The following STXBP4 variants were observed in gnomAD, a reference collection of about 807,000 sequenced individuals.
STXBP4 encodes syntaxin-binding protein 4.
In STXBP4, 55 loss-of-function variants were observed where a neutral mutation model predicts 76.1. That is an observed-to-expected ratio of 0.72 (90% CI 0.58 to 0.91). The LOEUF (loss-of-function observed/expected upper bound fraction) is 0.91, where lower values mean the gene tolerates loss of function less well. Among genes scored for constraint, STXBP4 ranks in the 40% least tolerant of loss-of-function variants. The pLI, the probability that STXBP4 is intolerant of heterozygous loss-of-function variation, is 0.00. For synonymous variants in STXBP4, 201 were observed against 220.2 expected, an observed-to-expected ratio of 0.91 and a Z score of 0.77; for missense variants, 618 against 636.9, an observed-to-expected ratio of 0.97 and a Z score of 0.32.
intron 15 of STXBP4, 48 bp from the exon 16 acceptor site, chr17:55,080,999 AGAT>A: frequency 7.5e-7 from 1 of 1,338,420 alleles, no homozygotes; most frequent in Non-Finnish European, 9.7e-7. Context: ...TAGTAAAGAT[AGAT>A]GTTGTTTATT....
intron 15 of STXBP4, among the ~76,000 whole-genome samples, chr17:55,079,872 G>T (rs1019117018): frequency 6.6e-6 from 1 of 152,052 alleles, no homozygotes; most frequent in Non-Finnish European, 1.5e-5. Flanking sequence ...TAATTTAGAA[G>T]AATATTTATA....
At chr17:55,150,727 G>A (rs2080207095) in intron 17 of STXBP4, among the ~76,000 whole-genome samples, 1 of 152,144 alleles carries the variant, frequency 6.6e-6, no homozygotes, top group South Asian at 2.1e-4. Flanking sequence ...CCTAGTCTTA[G>A]GGGAAGAAGC....
chr17:55,111,588 G>C (rs939329083), intron 16 of STXBP4, among the ~76,000 whole-genome samples: 11 of 152,068 alleles, frequency 7.2e-5, no homozygotes, highest in African/African-American at 2.4e-4. Context: ...AGATCTGGTT[G>C]TTTAAAAGTG....
At chr17:55,012,352 G>C (rs552754019) in intron 8 of STXBP4, among the ~76,000 whole-genome samples, 4 of 152,276 alleles carry the variant, frequency 2.6e-5, no homozygotes, top group African/African-American at 9.6e-5. Context: ...TTACCCCATA[G>C]TAGGGTTCCT....
At chr17:54,987,354 A>G (rs947838685) in intron 3 of STXBP4, among the ~76,000 whole-genome samples, 9 of 152,172 alleles carry the variant, frequency 5.9e-5, no homozygotes, top group African/African-American at 1.9e-4. Flanking sequence ...AAATATACAC[A>G]TATGTATGTA....
At chr17:55,127,877 A>C (rs1255197290) in intron 16 of STXBP4, among the ~76,000 whole-genome samples, 2 of 152,198 alleles carry the variant, frequency 1.3e-5, no homozygotes, top group Non-Finnish European at 1.5e-5. Flanking sequence ...CAAATGCTAC[A>C]TGATTAGGGA....
intron 12 of STXBP4, among the ~76,000 whole-genome samples, chr17:55,070,436 G>A (rs569569897): frequency 2.1e-4 from 32 of 152,234 alleles, no homozygotes; most frequent in Admixed American, 2.0e-3. Context: ...CTAGGTTAAT[G>A]TACCTACCTT....
chr17:55,212,040 G>A, the STXBP4 span, among the ~76,000 whole-genome samples: 1 of 150,398 alleles, frequency 6.6e-6, no homozygotes, highest in African/African-American at 2.5e-5. Flanking sequence ...GGCTGGTCTC[G>A]AACTCCTGAC....
At chr17:55,185,740 G>A in the STXBP4 span, among the ~76,000 whole-genome samples, 1 of 152,160 alleles carries the variant, frequency 6.6e-6, no homozygotes, top group African/African-American at 2.4e-5. Flanking sequence ...TGTGTGCCAG[G>A]ACCACAGAGG....
chr17:55,000,084 C>A, intron 6 of STXBP4: 1 of 426,406 alleles, frequency 2.3e-6, no homozygotes, highest in Non-Finnish European at 3.1e-6. Flanking sequence ...CAAAATGGTT[C>A]CACAAAGATA....
intron 16 of STXBP4, among the ~76,000 whole-genome samples, chr17:55,106,214 C>T (rs1475586095): frequency 6.6e-6 from 1 of 151,556 alleles, no homozygotes; most frequent in African/African-American, 2.4e-5. Flanking sequence ...TATATAATGC[C>T]CTTCTTTGTC....
At chr17:55,078,286 ACATTCTC>A (rs2144897782) in intron 14 of STXBP4, 92 bp downstream of exon 14, 1 of 816,624 alleles carries the variant, frequency 1.2e-6, no homozygotes, top group East Asian at 2.5e-5. Flanking sequence ...ACCTAGTGAA[ACATTCTC>A]TAGTCTCAAA....
At chr17:55,125,786 C>G (rs2079904175) in intron 16 of STXBP4, among the ~76,000 whole-genome samples, 2 of 152,068 alleles carry the variant, frequency 1.3e-5, no homozygotes, top group South Asian at 2.1e-4. Flanking sequence ...TACTCCAAAC[C>G]CTAGCAGGAC....
At chr17:55,005,288 T>C (rs2077987399) in intron 7 of STXBP4, among the ~76,000 whole-genome samples, 1 of 152,204 alleles carries the variant, frequency 6.6e-6, no homozygotes, top group Non-Finnish European at 1.5e-5. Context: ...TTAAGAACAT[T>C]GGTCTGGAGT....
intron 8 of STXBP4, among the ~76,000 whole-genome samples, chr17:55,027,614 A>G (rs1160736903): frequency 6.6e-6 from 1 of 152,244 alleles, no homozygotes; most frequent in East Asian, 1.9e-4. Context: ...TGAAATATGT[A>G]GTAAGCCTTA....
Position 55,038,495 on chromosome 17 carries a change from G to A in STXBP4, c.855+4236G>A, listed in dbSNP as rs115571209. ...CTATCTTTTAAGTAGGAATTGCTGA[G>A]TCAGTATAAAGTCAGTCCTACTTTT... On this transcript the variant is annotated intron_variant, in intron 10 of 17. Coordinates refer to ENST00000376352, the MANE Select transcript of STXBP4 (RefSeq NM_178509.6). Among the ~76,000 whole-genome samples, 1,485 of 152,226 alleles carry A rather than the reference G, an allele frequency of 9.8e-3. 21 individuals are homozygous for A. The highest frequency in any genetic ancestry group is 0.034 in the African/African-American group (1,393 of 41,532).
chr17:55,043,653 G>A (rs1288220546), intron 11 of STXBP4: 31 of 1,549,592 alleles, frequency 2.0e-5, no homozygotes, highest in Non-Finnish European at 2.4e-5. Flanking sequence ...AAAGCAAGTC[G>A]TGGCAATTTT....
At position 55,036,409 on chromosome 17, in the gene STXBP4, C is replaced by T. The variant is rs913053676; in HGVS notation, c.855+2150C>T. On this transcript the variant is annotated intron_variant, in intron 10 of 17. Transcript: ENST00000376352. ...ATATTTTAATAATCTAGTCACCTTA[C>T]GCTTTTTGTTGCCATTAAAATTAAT... is the stretch of plus-strand genomic sequence containing the variant. Among the ~76,000 whole-genome samples, 9 of 144,840 alleles carry T rather than the reference C, an allele frequency of 6.2e-5. No individual in the cohort carries two copies. In the East Asian group the frequency reaches 8.4e-4, roughly 13 times the overall value.
At chr17:55,192,276 C>T in the STXBP4 span, among the ~76,000 whole-genome samples, 12 of 152,184 alleles carry the variant, frequency 7.9e-5, no homozygotes, top group African/African-American at 2.6e-4. Context: ...ATACTACATC[C>T]CAGAAGTAAA....
Sources: gnomAD v4.1 joint callset for allele counts (sites outside exome capture counted in the v4.1 genomes callset) on GRCh38, gnomAD v4.1.1 for gene constraint, MANE v1.5 for transcripts, NCBI Gene and HGNC (gene_info 2026-07-23, HGNC 2026-07-21) for gene names.